The following ARHGAP22 variants were observed in gnomAD, a reference collection of about 807,000 sequenced individuals.
The protein encoded by ARHGAP22 is rho GTPase-activating protein 22.
Under a neutral mutation model 59.1 loss-of-function variants are expected in ARHGAP22, and 48 were observed. That is an observed-to-expected ratio of 0.81 (90% confidence interval 0.64 to 1.03). ARHGAP22 has a LOEUF of 1.03. ARHGAP22 is among the 50% of genes least tolerant of loss of function. ARHGAP22 has a pLI of 0.00. For missense variants in ARHGAP22, 1,015 were observed against 958.7 expected, an observed-to-expected ratio of 1.06 and a Z score of -0.78; for synonymous variants, 445 against 416.4, an observed-to-expected ratio of 1.07 and a Z score of -0.84.
intron 1 of ARHGAP22, among the ~76,000 whole-genome samples, chr10:48,647,240 A>T (rs1311448335): frequency 6.6e-6 from 1 of 152,140 alleles, no homozygotes; most frequent in Non-Finnish European, 1.5e-5. Context: ...CTAAAAAGAC[A>T]ATAACTAGCT....
At chr10:48,548,034 T>C (rs1281121064) in intron 3 of ARHGAP22, among the ~76,000 whole-genome samples, 3 of 152,200 alleles carry the variant, frequency 2.0e-5, no homozygotes, top group Non-Finnish European at 4.4e-5. Context: ...GGATAGGCCC[T>C]TCCTCACCAC....
Position 48,479,742 on chromosome 10 carries a change from C to T in ARHGAP22, c.345G>A (p.Lys115=), listed in dbSNP as rs1215618439. 4 of 1,596,486 alleles carry T rather than the reference C, an allele frequency of 2.5e-6. No individual in the cohort carries two copies. Among genetic ancestry groups the T allele is most frequent in the Non-Finnish European group, 2.6e-6 (3 of 1,169,984 alleles). The change falls in exon 4 of 10, where the codon AAG becomes AAA. Residue 115 remains lysine, a synonymous_variant. Coordinates refer to ENST00000249601, the MANE Select transcript of ARHGAP22 (RefSeq NM_021226.4). The part of the protein sequence containing the change: ...ISPGGAGERE[K]VPANPEALLL... ...GGAGCGCCTCGGGGTTGGCCGGCAC[C>T]TTCTCCCGCTCCCCGGCACCACCTG...
chr10:48,551,927 T>G (rs144150016), intron 3 of ARHGAP22, among the ~76,000 whole-genome samples: 2 of 152,364 alleles, frequency 1.3e-5, no homozygotes, highest in East Asian at 3.9e-4. Flanking sequence ...GGAAGCCAGA[T>G]GGCTTGGCCT....
chr10:48,555,425 C>T (rs201208144), intron 3 of ARHGAP22, 38 bp downstream of exon 3: 4 of 1,597,460 alleles, frequency 2.5e-6, no homozygotes, highest in South Asian at 2.2e-5. Flanking sequence ...GGCAACACCC[C>T]CACCAGGGCT....
chr10:48,497,589 G>A (rs569779384), intron 3 of ARHGAP22, among the ~76,000 whole-genome samples: 4 of 152,170 alleles, frequency 2.6e-5, no homozygotes, highest in Admixed American at 6.5e-5. Flanking sequence ...TACAAGCTGA[G>A]CAGTCTGGGG....
At chr10:48,568,762 G>A (rs2058212321) in intron 2 of ARHGAP22, among the ~76,000 whole-genome samples, 3 of 152,130 alleles carry the variant, frequency 2.0e-5, no homozygotes, top group African/African-American at 7.2e-5. Context: ...GTGCTGCCTG[G>A]CCCCCACCCC....
At chr10:48,461,668 C>T (rs2047145177) in intron 4 of ARHGAP22, among the ~76,000 whole-genome samples, 1 of 152,152 alleles carries the variant, frequency 6.6e-6, no homozygotes, top group Admixed American at 6.5e-5. Flanking sequence ...CTGTCTACAC[C>T]ACGGCACAGT....
chr10:48,466,924 C>A (rs1335099177), intron 4 of ARHGAP22, among the ~76,000 whole-genome samples: 1 of 152,208 alleles, frequency 6.6e-6, no homozygotes, highest in Admixed American at 6.5e-5. Context: ...GGAATCCCTT[C>A]CCTCTTTGCC....
chr10:48,466,702 G>A (rs1252839173), intron 4 of ARHGAP22: 1 of 146,694 alleles, frequency 6.8e-6, no homozygotes, highest in Admixed American at 6.8e-5. Flanking sequence ...GCGCGGCGGC[G>A]GCTGGAATGC....
At chr10:48,491,135 A>G (rs1241125783) in intron 3 of ARHGAP22, among the ~76,000 whole-genome samples, 1 of 151,884 alleles carries the variant, frequency 6.6e-6, no homozygotes, top group African/African-American at 2.4e-5. Flanking sequence ...ACCCCTGCTC[A>G]ACATCCCCCA....
intron 1 of ARHGAP22, among the ~76,000 whole-genome samples, chr10:48,634,439 C>T (rs963480449): frequency 1.3e-5 from 2 of 152,202 alleles, no homozygotes; most frequent in African/African-American, 4.8e-5. Flanking sequence ...ACAACCATTC[C>T]CAGAGTCAAA....
rs189692545 is a variant in ARHGAP22, at chr10:48,528,169, A to G, written c.322+27294T>C. ...GAGCCCCTGGTCCCAGATATGCCCC[A>G]GGTCATTCAAGGATTTTCTTAGGAG... On this transcript the variant is annotated intron_variant, in intron 3 of 9. Transcript: ENST00000249601. 3.4e-3 allele frequency among the ~76,000 whole-genome samples: 514 copies of G among 152,266 alleles called. 2 individuals are homozygous for G. Among genetic ancestry groups the G allele is most frequent in the South Asian group, 0.021 (101 of 4,816 alleles).
chr10:48,510,187 CCT>C, intron 3 of ARHGAP22, among the ~76,000 whole-genome samples: 1 of 152,298 alleles, frequency 6.6e-6, no homozygotes, highest in East Asian at 1.9e-4. Context: ...TCTCTTCCTC[CCT>C]GAGTGAGAGA....
intron 2 of ARHGAP22, among the ~76,000 whole-genome samples, chr10:48,559,788 A>C (rs115061247): frequency 0.016 from 2,490 of 152,276 alleles, 79 homozygotes; most frequent in African/African-American, 0.057. Flanking sequence ...CCAATATGTC[A>C]AAAAATCAGC....
At chr10:48,581,038 T>C (rs2059086494) in intron 2 of ARHGAP22, among the ~76,000 whole-genome samples, 2 of 151,738 alleles carry the variant, frequency 1.3e-5, no homozygotes, top group Admixed American at 1.3e-4. Flanking sequence ...AAATTTAAAA[T>C]CGGGCCAAGT....
intron 5 of ARHGAP22, among the ~76,000 whole-genome samples, chr10:48,457,366 T>A (rs546173700): frequency 2.2e-4 from 33 of 152,130 alleles, no homozygotes; most frequent in Non-Finnish European, 4.7e-4. Flanking sequence ...AGCCCTGCCA[T>A]CTGCAGCACC....
At chr10:48,583,299 G>C (rs915303314) in intron 1 of ARHGAP22, 147 bp from the exon 2 acceptor site, 4 of 902,186 alleles carry the variant, frequency 4.4e-6, no homozygotes, top group Non-Finnish European at 5.0e-6. Flanking sequence ...CTTCCCCTTG[G>C]CATTGAAGGG....
downstream of ARHGAP22, among the ~76,000 whole-genome samples, chr10:48,442,041 C>A (rs925501118): frequency 6.6e-6 from 1 of 152,190 alleles, no homozygotes; most frequent in African/African-American, 2.4e-5. Context: ...TAGAGCGTAT[C>A]CTTTACACCA....
chr10:48,499,140 C>T (rs993431157), intron 3 of ARHGAP22, among the ~76,000 whole-genome samples: 1 of 152,214 alleles, frequency 6.6e-6, no homozygotes, highest in Non-Finnish European at 1.5e-5. Context: ...AGTGCTGGGG[C>T]CCCGAATCAC....
Sources: allele counts gnomAD v4.1 joint callset (sites outside exome capture counted in the v4.1 genomes callset), GRCh38; gene constraint gnomAD v4.1.1; transcripts MANE v1.5; gene names NCBI Gene and HGNC (gene_info 2026-07-23, HGNC 2026-07-21).